Variants in MPP7 observed in about 807,000 individuals in gnomAD.
MPP7 encodes the protein MAGUK p55 subfamily member 7.
MPP7 carries 60 observed loss-of-function variants against 76.5 expected under a neutral mutation model. The observed-to-expected ratio is 0.78, with a 90% confidence interval of 0.64 to 0.97. The LOEUF (loss-of-function observed/expected upper bound fraction) is 0.97. Ranked by LOEUF, MPP7 falls within the 50% of genes least tolerant of loss-of-function variation. The pLI is 0.00. For synonymous variants in MPP7, 237 were observed against 244.5 expected, an observed-to-expected ratio of 0.97 and a Z score of 0.29; for missense variants, 641 against 694.0, an observed-to-expected ratio of 0.92 and a Z score of 0.86.
At chr10:28,148,079 TTTA>T (rs2133765062) in intron 4 of MPP7, among the ~76,000 whole-genome samples, 1 of 152,284 alleles carries the variant, frequency 6.6e-6, no homozygotes, top group East Asian at 1.9e-4. Flanking sequence ...GCCTGAAACT[TTTA>T]TTATGTTTAC....
upstream of MPP7, among the ~76,000 whole-genome samples, chr10:28,304,405 C>T (rs1841233643): frequency 6.6e-6 from 1 of 151,930 alleles, no homozygotes; most frequent in Non-Finnish European, 1.5e-5. Flanking sequence ...AAAAAGCAAA[C>T]CTGAGGAAGG....
At chr10:28,335,186 G>A (rs374678622), upstream of MPP7, among the ~76,000 whole-genome samples, 160 of 152,364 alleles carry the variant, frequency 1.1e-3, 3 homozygotes, top group South Asian at 0.032. Flanking sequence ...TTCTCCCAGA[G>A]GGAGTAATCC....
At chr10:28,158,394 T>C (rs139822255) in intron 3 of MPP7, among the ~76,000 whole-genome samples, 3 of 152,122 alleles carry the variant, frequency 2.0e-5, no homozygotes, top group African/African-American at 4.8e-5. Flanking sequence ...AGAGTGGAAA[T>C]TGTCTTACGG....
chr10:28,109,036 C>T (rs1834413695), intron 11 of MPP7, among the ~76,000 whole-genome samples: 1 of 151,904 alleles, frequency 6.6e-6, no homozygotes, highest in African/African-American at 2.4e-5. Context: ...ACCTGTAATC[C>T]CAGAATTTTG....
chr10:28,299,117 A>G (rs1218073257), intron 1 of MPP7, among the ~76,000 whole-genome samples: 1 of 152,066 alleles, frequency 6.6e-6, no homozygotes, highest in African/African-American at 2.4e-5. Context: ...TAGCACTTTT[A>G]GTTTCTTTCA....
chr10:28,243,778 T>C (rs1325496107), intron 1 of MPP7, among the ~76,000 whole-genome samples: 2 of 152,156 alleles, frequency 1.3e-5, no homozygotes, highest in Non-Finnish European at 2.9e-5. Flanking sequence ...TACAAAAATA[T>C]AAAGGTCTCC....
At chr10:28,091,196 CA>C (rs1272303790) in intron 11 of MPP7, among the ~76,000 whole-genome samples, 5 of 151,412 alleles carry the variant, frequency 3.3e-5, no homozygotes, top group African/African-American at 4.9e-5. Context: ...ATATCAGCTG[CA>C]AAGTTCAAAA....
chr10:28,178,671 G>T (rs942810174), intron 3 of MPP7, among the ~76,000 whole-genome samples: 3 of 152,010 alleles, frequency 2.0e-5, no homozygotes, highest in African/African-American at 7.2e-5. Context: ...TTACAATGGG[G>T]TAAAGATTAA....
intron 2 of MPP7, among the ~76,000 whole-genome samples, chr10:28,213,801 A>G (rs1282049290): frequency 6.7e-6 from 1 of 149,498 alleles, no homozygotes; most frequent in East Asian, 1.9e-4. Context: ...CAAAAAAAAA[A>G]AAAAAAAAAG....
intron 1 of MPP7, among the ~76,000 whole-genome samples, chr10:28,253,992 T>A (rs1352656932): frequency 2.8e-5 from 3 of 105,546 alleles, no homozygotes; most frequent in East Asian, 5.5e-4. Context: ...AGAGAGTCTG[T>A]CTCACAAAAA....
chr10:28,136,364 A>C (rs1052116945), intron 5 of MPP7, among the ~76,000 whole-genome samples: 4 of 152,154 alleles, frequency 2.6e-5, no homozygotes, highest in Non-Finnish European at 5.9e-5. Context: ...ATCCAAAGAA[A>C]CACAAAAATA....
chr10:28,249,459 C>T (rs1337672587), intron 1 of MPP7, among the ~76,000 whole-genome samples: 1 of 152,110 alleles, frequency 6.6e-6, no homozygotes, highest in Non-Finnish European at 1.5e-5. Context: ...CATGGTGGCA[C>T]ACGCTTGTAG....
chr10:28,094,647 G>A (rs568436333), intron 11 of MPP7, among the ~76,000 whole-genome samples: 6 of 152,274 alleles, frequency 3.9e-5, no homozygotes, highest in East Asian at 1.9e-4. Context: ...AAAAAGCGGG[G>A]TGAGGAGGGG....
At chr10:28,142,437 A>G (rs1835552385) in intron 5 of MPP7, among the ~76,000 whole-genome samples, 1 of 152,142 alleles carries the variant, frequency 6.6e-6, no homozygotes, top group African/African-American at 2.4e-5. Flanking sequence ...GCTAAAAAAG[A>G]ATATTAGTTG....
At chr10:28,293,675 C>T (rs571256333) in intron 1 of MPP7, among the ~76,000 whole-genome samples, 1 of 152,144 alleles carries the variant, frequency 6.6e-6, no homozygotes, top group Non-Finnish European at 1.5e-5. Context: ...GGGGAGGGAG[C>T]GGAGCGGGGC....
At chr10:28,333,437 G>A (rs1325870749) in intron 1 of MPP7, among the ~76,000 whole-genome samples, 22 of 152,178 alleles carry the variant, frequency 1.4e-4, no homozygotes, top group Admixed American at 1.4e-3. Flanking sequence ...GAGCCACTGC[G>A]CCTGGCCGCT....
chr10:28,262,854 G>C (rs1051760672), intron 1 of MPP7, among the ~76,000 whole-genome samples: 1 of 152,062 alleles, frequency 6.6e-6, no homozygotes, highest in African/African-American at 2.4e-5. Flanking sequence ...TCAGGAGTTA[G>C]GCATGAGCCT....
chr10:28,262,319 C>T (rs1332578952), intron 1 of MPP7, among the ~76,000 whole-genome samples: 1 of 135,472 alleles, frequency 7.4e-6, no homozygotes, highest in Non-Finnish European at 1.6e-5. Context: ...GATGGTCTCG[C>T]TCTCCTGACC....
intron 3 of MPP7, among the ~76,000 whole-genome samples, chr10:28,153,525 GT>G (rs933984774): frequency 6.6e-6 from 1 of 151,918 alleles, no homozygotes; most frequent in East Asian, 1.9e-4. Flanking sequence ...GTCCATAAGG[GT>G]TTTTTTCCTA....
Sources: gnomAD v4.1 joint callset for allele counts (sites outside exome capture counted in the v4.1 genomes callset) on GRCh38, gnomAD v4.1.1 for gene constraint, MANE v1.5 for transcripts, NCBI Gene and HGNC (gene_info 2026-07-23, HGNC 2026-07-21) for gene names.